Variants in PCLO observed in about 807,000 individuals in gnomAD.
The protein encoded by PCLO is protein piccolo.
In PCLO, 82 loss-of-function variants were observed where a neutral mutation model predicts 427.5. The ratio of observed to expected loss-of-function variants is 0.19; its 90% CI spans 0.16 to 0.23. PCLO has a LOEUF of 0.23. Ranked by LOEUF, PCLO falls within the 10% of genes least tolerant of loss-of-function variation. The probability of loss-of-function intolerance (pLI) is 1.00; values close to 1 mark genes in which losing one functional copy is unlikely to be tolerated. For synonymous variants in PCLO, 2,357 were observed against 2,155.4 expected (o/e 1.09, Z -2.59); for missense variants, 6,239 against 6,115.9 (o/e 1.02, Z -0.67).
At chr7:82,879,784 A>G in intron 9 of PCLO, 1 of 447,392 alleles carries the variant, frequency 2.2e-6, no homozygotes, top group Non-Finnish European at 4.3e-6. Flanking sequence ...GGATGTTCCC[A>G]GAGCATACAA....
chr7:82,956,671 C>T lies in PCLO; in HGVS notation c.4282G>A (p.Ala1428Thr). Residue 1428 changes from alanine (A) to threonine (T), a missense_variant, in exon 5 of 25, where the codon GCT becomes ACT. Physicochemically the swap from Ala to Thr is moderately conservative, Grantham distance 58 (BLOSUM62 0). Around this residue, in one of 5 missense-constraint regions of PCLO, gnomAD observed 4,677 missense variants for 4,468.4 expected, o/e 1.05. Transcript: ENST00000333891. The stretch of plus-strand genomic sequence containing the variant: ...GTTTTCTTTTCTGACTTTTCATCAG[C>T]AAGTGTACTTGCTTGAGCTTCCAAA... ...SILEAQASTL[A>T]DEKSEKKTQP... The T allele has an allele frequency of 6.2e-7, 1 of 1,613,886 alleles. No homozygotes were observed. Among genetic ancestry groups the T allele is most frequent in the Non-Finnish European group, 8.5e-7 (1 of 1,179,832 alleles).
intron 6 of PCLO, among the ~76,000 whole-genome samples, chr7:82,923,243 G>C (rs905600770): frequency 2.6e-5 from 4 of 151,922 alleles, no homozygotes; most frequent in African/African-American, 9.7e-5. Context: ...TAAGTGCAGG[G>C]AAAATAAGAA....
intron 7 of PCLO, 45 bp from the exon 8 acceptor site, chr7:82,909,058 A>G (rs952244708): frequency 1.2e-6 from 2 of 1,600,214 alleles, no homozygotes; most frequent in Non-Finnish European, 1.7e-6. Context: ...GGCAAGTAAT[A>G]CAGATGATTG....
At chr7:82,818,227 G>GA (rs1249721946) in intron 20 of PCLO, among the ~76,000 whole-genome samples, 5 of 152,040 alleles carry the variant, frequency 3.3e-5, no homozygotes, top group African/African-American at 1.2e-4. Context: ...CAGAGGGAAA[G>GA]AAAAAATTCC....
At chr7:82,968,059 C>T (rs1795819231) in intron 3 of PCLO, among the ~76,000 whole-genome samples, 1 of 152,170 alleles carries the variant, frequency 6.6e-6, no homozygotes, top group Non-Finnish European at 1.5e-5. Flanking sequence ...ACTTCAGGTT[C>T]CAATTACTTT....
chr7:83,151,443 T>A (rs2116672238), intron 2 of PCLO, among the ~76,000 whole-genome samples: 1 of 152,316 alleles, frequency 6.6e-6, no homozygotes, highest in South Asian at 2.1e-4. Flanking sequence ...TCAGTTAATC[T>A]TCCAGTGTGT....
At chr7:83,026,340 G>A (rs1788496495) in intron 3 of PCLO, among the ~76,000 whole-genome samples, 1 of 151,738 alleles carries the variant, frequency 6.6e-6, no homozygotes, top group African/African-American at 2.4e-5. Flanking sequence ...AACCAACAAA[G>A]ATCAAAAGAG....
chr7:83,105,723 T>C (rs1790837340), intron 3 of PCLO, among the ~76,000 whole-genome samples: 1 of 152,174 alleles, frequency 6.6e-6, no homozygotes, highest in South Asian at 2.1e-4. Context: ...CTGTTAGATA[T>C]TTAATTTTGA....
chr7:82,947,538 CAT>C (rs1414105998), intron 6 of PCLO, among the ~76,000 whole-genome samples: 17 of 152,136 alleles, frequency 1.1e-4, no homozygotes, highest in African/African-American at 3.9e-4. Flanking sequence ...ATCTTAGACT[CAT>C]AGTCTCTAGA....
intron 9 of PCLO, among the ~76,000 whole-genome samples, chr7:82,884,579 A>T (rs1793586395): frequency 1.3e-5 from 2 of 152,174 alleles, no homozygotes; most frequent in Non-Finnish European, 2.9e-5. Flanking sequence ...GCAAAATTAG[A>T]AGCATAAAGA....
At chr7:82,782,385 AT>A (rs1790891985) in intron 22 of PCLO, among the ~76,000 whole-genome samples, 2 of 152,324 alleles carry the variant, frequency 1.3e-5, no homozygotes, top group South Asian at 4.1e-4. Flanking sequence ...TCTTCTATAC[AT>A]AAATGCTCAG....
chr7:83,042,860 A>C (rs995249771), intron 3 of PCLO, among the ~76,000 whole-genome samples: 25 of 152,240 alleles, frequency 1.6e-4, no homozygotes, highest in African/African-American at 5.8e-4. Flanking sequence ...ACTCTGTCTC[A>C]AAACAAACAA....
At chr7:82,918,394 T>C (rs573520656) in intron 6 of PCLO, among the ~76,000 whole-genome samples, 1 of 152,158 alleles carries the variant, frequency 6.6e-6, no homozygotes, top group East Asian at 1.9e-4. Context: ...AAAATCTCTA[T>C]ATTTCTATAG....
chr7:82,901,305 T>C (rs1435213835), intron 9 of PCLO, among the ~76,000 whole-genome samples: 1 of 151,900 alleles, frequency 6.6e-6, no homozygotes, highest in Admixed American at 6.6e-5. Context: ...TCATGAGTCA[T>C]CTAAAATGAA....
Position 82,954,909 on chromosome 7 carries a change from T to C in PCLO, c.6044A>G (p.Tyr2015Cys), listed in dbSNP as rs1410573416. ...AACAGAATGTAAGCTTTCTAACTCA[T>C]AAAACTCTTTCTGGAGGTCTGTAAT... is the stretch of plus-strand genomic sequence containing the variant. Reference protein sequence around the residue: ...QKITDLQKEFYELESLHSVVP... With the variant: ...QKITDLQKEFCELESLHSVVP... Residue 2015 changes from tyrosine (Y) to cysteine (C), a missense_variant, in exon 5 of 25, where the codon TAT becomes TGT. Around this residue, in one of 5 missense-constraint regions of PCLO, gnomAD observed 4,677 missense variants for 4,468.4 expected, o/e 1.05. Coordinates refer to ENST00000333891, the MANE Select transcript of PCLO (RefSeq NM_033026.6). The C allele has an allele frequency of 2.5e-6, 4 of 1,613,706 alleles. No individual in the cohort carries two copies. The Admixed American group carries it at 5.0e-5, about 20-fold the overall frequency.
Position 82,915,450 on chromosome 7 carries a change from AGTT to A in PCLO, c.12533_12535del (p.Gln4178del). On this transcript the variant is annotated inframe_deletion, in exon 7 of 25. Transcript: ENST00000333891. ...CTTTTGATAAAGTATGGCTGCTGGC[AGTT>A]GTTTTGCTGCTTGTTTTTCAAGTGT... 6.2e-7 allele frequency: 1 copy of A among 1,613,610 alleles called. No individual in the cohort carries two copies.
intron 3 of PCLO, among the ~76,000 whole-genome samples, chr7:83,025,963 A>C (rs1049629928): frequency 3.2e-4 from 48 of 152,300 alleles, no homozygotes; most frequent in African/African-American, 1.2e-3. Flanking sequence ...AGCGCTAAAC[A>C]TGGAAAGGAA....
At chr7:83,151,878 A>G (rs1792139199) in intron 2 of PCLO, among the ~76,000 whole-genome samples, 1 of 152,196 alleles carries the variant, frequency 6.6e-6, no homozygotes, top group South Asian at 2.1e-4. Flanking sequence ...TCATTGGTAT[A>G]ATAGAGAAGA....
At chr7:82,832,312 T>G (rs553917433) in intron 16 of PCLO, among the ~76,000 whole-genome samples, 3 of 152,164 alleles carry the variant, frequency 2.0e-5, no homozygotes, top group African/African-American at 7.2e-5. Context: ...TGGAGTGCAG[T>G]GCAATCTCGG....
Sources: gnomAD v4.1 joint callset for allele counts (sites outside exome capture counted in the v4.1 genomes callset) on GRCh38, gnomAD v4.1.1 for gene constraint, gnomAD v4.1.1 regional missense constraint, MANE v1.5 for transcripts, NCBI Gene and HGNC (gene_info 2026-07-23, HGNC 2026-07-21) for gene names.